The following PAPPA variants were observed in gnomAD, a reference collection of about 807,000 sequenced individuals.
PAPPA encodes the protein pappalysin 1, also known as pappalysin-1.
A neutral mutation model predicts 164.0 loss-of-function variants in PAPPA; 60 were observed. That is an observed-to-expected ratio of 0.37 (90% CI 0.30 to 0.45). The LOEUF (loss-of-function observed/expected upper bound fraction) is 0.45. PAPPA is among the 20% of genes least tolerant of loss of function. PAPPA has a pLI of 1.00. For synonymous variants in PAPPA, 875 were observed against 814.1 expected (o/e 1.07, Z -1.27); for missense variants, 1,782 against 2,087.3 (o/e 0.85, Z 2.85).
intron 9 of PAPPA, among the ~76,000 whole-genome samples, chr9:116,278,803 C>T (rs987476921): frequency 6.6e-6 from 1 of 152,042 alleles, no homozygotes; most frequent in African/African-American, 2.4e-5. Flanking sequence ...GTCTCGGTTT[C>T]CTCTTCTGAA....
intron 17 of PAPPA, among the ~76,000 whole-genome samples, chr9:116,356,278 A>T (rs916507423): frequency 6.6e-6 from 1 of 152,354 alleles, no homozygotes; most frequent in South Asian, 2.1e-4. Context: ...TGTGTATAAA[A>T]TGAGGAGAAA....
At chr9:116,213,713 T>G (rs1168468925) in intron 4 of PAPPA, among the ~76,000 whole-genome samples, 2 of 152,146 alleles carry the variant, frequency 1.3e-5, no homozygotes, top group Non-Finnish European at 2.9e-5. Flanking sequence ...ATTGATTTAC[T>G]ATTTTTTTTA....
intron 17 of PAPPA, among the ~76,000 whole-genome samples, chr9:116,356,070 T>C (rs560584392): frequency 1.8e-4 from 27 of 152,298 alleles, no homozygotes; most frequent in African/African-American, 6.0e-4. Flanking sequence ...TTTCAGATCC[T>C]GGCGGGAAAG....
intron 1 of PAPPA, among the ~76,000 whole-genome samples, chr9:116,158,180 T>C (rs1587932720): frequency 6.6e-6 from 1 of 152,232 alleles, no homozygotes; most frequent in East Asian, 1.9e-4. Context: ...TTGGACTGGA[T>C]TAAGTGTGCT....
chr9:116,388,049 A>ACTGT (rs1324627090), intron 21 of PAPPA, among the ~76,000 whole-genome samples: 4 of 146,836 alleles, frequency 2.7e-5, no homozygotes, highest in Non-Finnish European at 6.1e-5. Flanking sequence ...CAGCATGATG[A>ACTGT]CTGTCTGCTC....
chr9:116,344,435 C>T (rs1188492415), intron 13 of PAPPA, 108 bp from the exon 14 acceptor site: 7 of 1,148,396 alleles, frequency 6.1e-6, no homozygotes, highest in Non-Finnish European at 8.8e-6. Context: ...TCCTCAGTCT[C>T]AAGCCCCCTG....
intron 10 of PAPPA, among the ~76,000 whole-genome samples, chr9:116,317,664 T>C (rs1018838261): frequency 1.3e-4 from 20 of 152,182 alleles, no homozygotes; most frequent in African/African-American, 4.3e-4. Flanking sequence ...AACTTAGAAG[T>C]GTTTCAGTGC....
chr9:116,213,501 C>T (rs897063308), intron 4 of PAPPA, among the ~76,000 whole-genome samples: 11 of 152,250 alleles, frequency 7.2e-5, no homozygotes, highest in South Asian at 2.1e-4. Flanking sequence ...ATCCCACATC[C>T]GGTGCCCCAT....
Position 116,219,954 on chromosome 9 carries a change from T to G in PAPPA, c.1936T>G (p.Ser646Ala), listed in dbSNP as rs146494562. 1.9e-6 allele frequency: 3 copies of G among 1,613,366 alleles called. No homozygotes were observed. The highest frequency in any genetic ancestry group is 2.5e-6 in the Non-Finnish European group (3 of 1,179,602). The change falls in exon 5 of 22, where the codon TCC becomes GCC. Residue 646 changes from serine (S) to alanine (A), a missense_variant. Around this residue, in one of 2 missense-constraint regions of PAPPA, gnomAD observed 1,324 missense variants for 1,656.9 expected, o/e 0.80. Coordinates refer to ENST00000328252, the MANE Select transcript of PAPPA (RefSeq NM_002581.5). ...GCTTGCAGATGACGACTGTACGGAC[T>G]CCTTCACGCCCAATCAAGTCGCCAG... is the stretch of plus-strand genomic sequence containing the variant. ...MSYADDDCTD[S>A]FTPNQVARMH...
chr9:116,326,137 A>G (rs1214030754), intron 10 of PAPPA, among the ~76,000 whole-genome samples: 3 of 152,156 alleles, frequency 2.0e-5, no homozygotes, highest in African/African-American at 7.2e-5. Context: ...ATGTCCATGA[A>G]GTAATCAAGA....
chr9:116,355,795 C>A (rs578057083), intron 17 of PAPPA, among the ~76,000 whole-genome samples: 2 of 152,230 alleles, frequency 1.3e-5, no homozygotes, highest in African/African-American at 4.8e-5. Flanking sequence ...TGGCAACTAA[C>A]GGAGAGGCTA....
chr9:116,384,476 A>G (rs1005399130), intron 21 of PAPPA, among the ~76,000 whole-genome samples: 3 of 152,036 alleles, frequency 2.0e-5, no homozygotes, highest in African/African-American at 7.2e-5. Flanking sequence ...AAGTTCTGAT[A>G]GTAGTATAAA....
intron 10 of PAPPA, among the ~76,000 whole-genome samples, chr9:116,327,517 C>T (rs1455582096): frequency 2.6e-5 from 4 of 151,974 alleles, no homozygotes; most frequent in Non-Finnish European, 4.4e-5. Context: ...CATGTCTCCT[C>T]CCAAAACATT....
chr9:116,247,577 C>T (rs1421802385), intron 7 of PAPPA, among the ~76,000 whole-genome samples: 1 of 152,108 alleles, frequency 6.6e-6, no homozygotes, highest in African/African-American at 2.4e-5. Flanking sequence ...TGTGCTGCTC[C>T]AATTCCTGAT....
intron 11 of PAPPA, among the ~76,000 whole-genome samples, chr9:116,331,827 C>A (rs772198443): frequency 2.0e-5 from 3 of 152,108 alleles, no homozygotes; most frequent in Non-Finnish European, 4.4e-5. Flanking sequence ...ACTTTGAATT[C>A]CCAAAAATGC....
intron 19 of PAPPA, among the ~76,000 whole-genome samples, chr9:116,368,872 G>C (rs540722359): frequency 6.6e-6 from 1 of 152,100 alleles, no homozygotes; most frequent in Non-Finnish European, 1.5e-5. Context: ...TCTCAAATGC[G>C]CTGAGGGCAC....
At position 116,271,499 on chromosome 9, in the gene PAPPA, TATGAC is replaced by T; in HGVS notation, c.2953+84_2953+88del. The T allele has an allele frequency of 1.1e-6, 1 of 946,898 alleles. No homozygotes were observed. The highest frequency in any genetic ancestry group is 1.3e-5 in the South Asian group (1 of 75,384). The allele number at this position is 946,898 out of a possible 1,614,324, so 58.7% of individuals were successfully genotyped here. On this transcript the variant is annotated intron_variant, in intron 9 of 21. Transcript: ENST00000328252. The surrounding 1 kb of genome is among the most constrained non-coding windows in gnomAD (Gnocchi z 4.2). ...GGTCAATGATAATGCCAACAATAGT[TATGAC>T]TAAATGATGATTCACTCCTTTGTAT...
intron 21 of PAPPA, among the ~76,000 whole-genome samples, chr9:116,394,201 G>A (rs1846931493): frequency 6.6e-6 from 1 of 152,054 alleles, no homozygotes. Context: ...TGGGCGGTGG[G>A]GGACAATAGG....
intron 1 of PAPPA, among the ~76,000 whole-genome samples, chr9:116,171,745 A>G (rs1843778072): frequency 6.6e-6 from 1 of 152,024 alleles, no homozygotes; most frequent in Non-Finnish European, 1.5e-5. Context: ...TATTCATTGA[A>G]ACCATGGGGA....
Sources: allele counts gnomAD v4.1 joint callset (sites outside exome capture counted in the v4.1 genomes callset), GRCh38; gene constraint gnomAD v4.1.1; regional missense constraint gnomAD v4.1.1; non-coding constraint Gnocchi (gnomAD v3.1); transcripts MANE v1.5; gene names NCBI Gene and HGNC (gene_info 2026-07-23, HGNC 2026-07-21).